DCLK2: variants seen among roughly 807,000 people sequenced by gnomAD.
DCLK2 encodes serine/threonine-protein kinase DCLK2.
DCLK2 carries 31 observed loss-of-function variants against 78.4 expected under a neutral mutation model. That is an observed-to-expected ratio of 0.40 (90% CI 0.30 to 0.53). The LOEUF (loss-of-function observed/expected upper bound fraction) is 0.53, where lower values mean the gene tolerates loss of function less well. DCLK2 is among the 20% of genes least tolerant of loss of function. The probability of loss-of-function intolerance (pLI) is 0.61; values close to 1 mark genes in which losing one functional copy is unlikely to be tolerated. For synonymous variants in DCLK2, 407 were observed against 374.9 expected, an observed-to-expected ratio of 1.09 and a Z score of -0.99; for missense variants, 872 against 973.7, an observed-to-expected ratio of 0.90 and a Z score of 1.39.
intron 2 of DCLK2, among the ~76,000 whole-genome samples, chr4:150,114,527 T>C (rs1426395146): frequency 6.6e-6 from 1 of 152,234 alleles, no homozygotes; most frequent in East Asian, 1.9e-4. Flanking sequence ...AGAGGTTCTA[T>C]TATGGGGTGT....
At chr4:150,106,302 T>C (rs971917228) in intron 2 of DCLK2, among the ~76,000 whole-genome samples, 3 of 152,198 alleles carry the variant, frequency 2.0e-5, no homozygotes, top group Non-Finnish European at 4.4e-5. Context: ...TGCAAACCTT[T>C]AAATGAGCAG....
intron 12 of DCLK2, among the ~76,000 whole-genome samples, chr4:150,240,743 A>C (rs1370072908): frequency 7.5e-6 from 1 of 134,114 alleles, no homozygotes; most frequent in Non-Finnish European, 1.6e-5. Flanking sequence ...AAAACTTAAA[A>C]TATAATAAAA....
At chr4:150,231,071 G>T (rs1742018173) in intron 8 of DCLK2, among the ~76,000 whole-genome samples, 1 of 152,196 alleles carries the variant, frequency 6.6e-6, no homozygotes, top group South Asian at 2.1e-4. Flanking sequence ...TTATTTTGAA[G>T]AATTCCAACT....
chr4:150,125,782 G>T (rs62338181), intron 2 of DCLK2, among the ~76,000 whole-genome samples: 35,552 of 151,656 alleles, frequency 0.23, 4,544 homozygotes, highest in African/African-American at 0.34. Context: ...TCCCAGCTAC[G>T]TGGGAGGCTG....
rs1014563308 is a variant in DCLK2, at chr4:150,220,583, A to C, written c.1057-120A>C. ...GAGAGGTGAGATGAGAAGAAAGGGA[A>C]CGCCTCCTCGGTTTCTGTGACACAT... On this transcript the variant is annotated intron_variant, in intron 5 of 15. Transcript: ENST00000296550. 5.6e-6 allele frequency: 4 copies of C among 708,182 alleles called. No homozygotes were observed. The African/African-American group carries it at 7.1e-5, about 13-fold the overall frequency. The allele number at this position is 708,182 out of a possible 1,614,324, so 43.9% of individuals were successfully genotyped here.
intron 2 of DCLK2, among the ~76,000 whole-genome samples, chr4:150,172,693 TTGA>T (rs1204046765): frequency 1.3e-5 from 2 of 148,262 alleles, no homozygotes; most frequent in South Asian, 2.2e-4. Context: ...CCCAGAATAG[TTGA>T]TAACTTTCTC....
At chr4:150,162,950 AAT>A (rs746767744) in intron 2 of DCLK2, among the ~76,000 whole-genome samples, 5 of 152,192 alleles carry the variant, frequency 3.3e-5, no homozygotes, top group Non-Finnish European at 7.3e-5. Context: ...CTTACTATTT[AAT>A]ATGACATTAG....
At chr4:150,126,341 G>A (rs549407773) in intron 2 of DCLK2, among the ~76,000 whole-genome samples, 3 of 152,334 alleles carry the variant, frequency 2.0e-5, no homozygotes, top group East Asian at 3.9e-4. Flanking sequence ...TCTTATTGTA[G>A]TAGAAAAGAC....
intron 8 of DCLK2, among the ~76,000 whole-genome samples, chr4:150,228,853 C>T (rs956023088): frequency 9.9e-5 from 15 of 151,424 alleles, no homozygotes; most frequent in Admixed American, 3.3e-4. Flanking sequence ...GGTGAAACCC[C>T]GTCTCTACTA....
At chr4:150,247,546 G>C (rs746760872) in intron 12 of DCLK2, 57 bp from the exon 13 acceptor site, 25 of 1,524,992 alleles carry the variant, frequency 1.6e-5, no homozygotes, top group Non-Finnish European at 2.3e-5. Flanking sequence ...TGGACATTTT[G>C]TTGAAAAATT....
At chr4:150,169,651 C>G (rs1456582728) in intron 2 of DCLK2, among the ~76,000 whole-genome samples, 1 of 136,406 alleles carries the variant, frequency 7.3e-6, no homozygotes, top group African/African-American at 3.0e-5. Flanking sequence ...AGTGAAACTC[C>G]GTCTCAAAAA....
chr4:150,087,150 G>T (rs754258228), intron 1 of DCLK2, among the ~76,000 whole-genome samples: 8 of 152,178 alleles, frequency 5.3e-5, no homozygotes, highest in Non-Finnish European at 8.8e-5. Context: ...TCATTATATT[G>T]TAATTTGTCA....
intron 2 of DCLK2, among the ~76,000 whole-genome samples, chr4:150,165,098 G>A (rs1217368541): frequency 2.0e-5 from 3 of 152,188 alleles, no homozygotes; most frequent in Non-Finnish European, 4.4e-5. Context: ...TTCCCTGAGG[G>A]CATGAACATT....
chr4:150,146,810 A>G (rs1734506903), intron 2 of DCLK2, among the ~76,000 whole-genome samples: 1 of 152,132 alleles, frequency 6.6e-6, no homozygotes, highest in South Asian at 2.1e-4. Flanking sequence ...TGTATTTGAG[A>G]AAAGAAAATA....
chr4:150,134,104 G>C (rs530240987), intron 2 of DCLK2, among the ~76,000 whole-genome samples: 2 of 122,290 alleles, frequency 1.6e-5, no homozygotes, highest in African/African-American at 6.7e-5. Context: ...TTTTTGAGAC[G>C]GAGTCTTGCT....
At chr4:150,143,541 AT>A (rs572201899) in intron 2 of DCLK2, among the ~76,000 whole-genome samples, 6 of 149,748 alleles carry the variant, frequency 4.0e-5, no homozygotes, top group Admixed American at 2.7e-4. Flanking sequence ...TAATATAATG[AT>A]TTTTTTTCCT....
intron 8 of DCLK2, among the ~76,000 whole-genome samples, chr4:150,230,223 C>G (rs553387679): frequency 6.6e-6 from 1 of 152,182 alleles, no homozygotes; most frequent in Non-Finnish European, 1.5e-5. Flanking sequence ...GCTGATGGCC[C>G]TTAGGAGAAG....
chr4:150,096,368 A>G (rs1730462476), intron 1 of DCLK2, among the ~76,000 whole-genome samples: 1 of 152,250 alleles, frequency 6.6e-6, no homozygotes, highest in Admixed American at 6.5e-5. Flanking sequence ...TGAGATATTC[A>G]TAGATATCTA....
intron 2 of DCLK2, among the ~76,000 whole-genome samples, chr4:150,157,143 T>C (rs1735340334): frequency 6.7e-6 from 1 of 148,674 alleles, no homozygotes; most frequent in Admixed American, 6.8e-5. Flanking sequence ...ATTTCTGCGT[T>C]AGCTGGTTTA....
Sources: allele counts gnomAD v4.1 joint callset (sites outside exome capture counted in the v4.1 genomes callset), GRCh38; gene constraint gnomAD v4.1.1; transcripts MANE v1.5; gene names NCBI Gene and HGNC (gene_info 2026-07-23, HGNC 2026-07-21).